Variants in GGT7 observed in about 807,000 individuals in gnomAD.
GGT7 encodes the protein glutathione hydrolase 7.
Under a neutral mutation model 69.2 loss-of-function variants are expected in GGT7, and 30 were observed. That is an observed-to-expected ratio of 0.43 (90% CI 0.32 to 0.59). GGT7 has a LOEUF of 0.59. Ranked by LOEUF, GGT7 falls within the 20% of genes least tolerant of loss-of-function variation. The probability of loss-of-function intolerance (pLI) is 0.05; values close to 1 mark genes in which losing one functional copy is unlikely to be tolerated. For synonymous variants in GGT7, 388 were observed against 391.8 expected, an observed-to-expected ratio of 0.99 and a Z score of 0.12; for missense variants, 733 against 901.1, an observed-to-expected ratio of 0.81 and a Z score of 2.39.
In GGT7 at chr20:34,851,329, G is replaced by A. The variant is rs1430778001; in HGVS notation, c.1627C>T (p.Leu543=). 1 of 1,613,846 alleles carries A rather than the reference G, an allele frequency of 6.2e-7. No individual in the cohort carries two copies. The highest frequency in any genetic ancestry group is 8.5e-7 in the Non-Finnish European group (1 of 1,180,004). ...VQPGKRPLSF[L]LPTVVRPAEG... ...GCGGGTCGGACCACTGTGGGCAGCA[G>A]GAAAGAGAGTGGCCGCTTCCCTGGC... Residue 543 remains leucine, a synonymous_variant, in exon 13 of 15, where the codon CTG becomes TTG. Coordinates refer to ENST00000336431, the MANE Select transcript of GGT7 (RefSeq NM_178026.3).
In GGT7 at chr20:34,845,353, T is replaced by C. The variant is rs754966502; in HGVS notation, c.1964A>G (p.Asp655Gly). Residue 655 changes from aspartate to glycine, a missense_variant, in exon 15 of 15, where the codon GAT becomes GGT. Physicochemically the swap from Asp to Gly is moderately conservative, Grantham distance 94. Transcript: ENST00000336431. The part of the protein sequence containing the change: ...IIAVKDPRSP[D>G]AAGATIL ...CTACAGGATGGTGGCTCCAGCTGCA[T>C]CTGGGCTCCGAGGGTCCTTAACAGC... 21 of 1,614,018 alleles carry C rather than the reference T, an allele frequency of 1.3e-5. No individual in the cohort carries two copies. The highest frequency in any genetic ancestry group is 1.8e-5 in the Non-Finnish European group (21 of 1,179,960).
chr20:34,854,680 T>C (rs2146897606), intron 9 of GGT7, 61 bp from the exon 10 acceptor site: 2 of 1,566,620 alleles, frequency 1.3e-6, no homozygotes, highest in Non-Finnish European at 1.8e-6. Context: ...CCACACCCAG[T>C]GGACTTTCGT....
Position 34,845,137 on chromosome 20 carries a change from C to CACCACCA in GGT7, c.*184_*190dup. On this transcript the variant is annotated 3_prime_UTR_variant, in exon 15 of 15. Transcript: ENST00000336431. ...TCACCACCACCACCACCACCACCAC[C>CACCACCA]ACCACCACCACCACCACAGGCCTCC... 2.0e-6 allele frequency: 1 copy of CACCACCA among 497,906 alleles called. No individual in the cohort carries two copies. Among genetic ancestry groups the CACCACCA allele is most frequent in the South Asian group, 2.1e-5 (1 of 46,686 alleles). 30.8% of individuals were successfully genotyped at this position (497,906 alleles called of 1,614,324 possible).
chr20:34,856,186 T>C (rs1391553560), intron 8 of GGT7, among the ~76,000 whole-genome samples: 1 of 152,182 alleles, frequency 6.6e-6, no homozygotes, highest in Non-Finnish European at 1.5e-5. Context: ...AGAGAAACCC[T>C]TTCCTGGGGC....
intron 6 of GGT7, 112 bp from the exon 7 acceptor site, chr20:34,859,751 C>G: frequency 1.1e-6 from 1 of 918,722 alleles, no homozygotes; most frequent in Non-Finnish European, 1.6e-6. Flanking sequence ...AGTGCCCTGA[C>G]CCCCAGGAGC....
chr20:34,861,388 C>A, intron 4 of GGT7, 57 bp downstream of exon 4: 2 of 782,678 alleles, frequency 2.6e-6, no homozygotes, highest in South Asian at 2.1e-5. Context: ...CTTGGGTTAG[C>A]AGAAGGGCAA....
chr20:34,851,529 G>T (rs560041425), intron 12 of GGT7, among the ~76,000 whole-genome samples, 161 bp from the exon 13 acceptor site: 30 of 152,294 alleles, frequency 2.0e-4, no homozygotes, highest in Middle Eastern at 3.4e-3. Context: ...TTTGCTATCT[G>T]TGAAATGGGT....
At position 34,863,475 on chromosome 20, in the gene GGT7, G is replaced by T. The variant is rs375979010; in HGVS notation, c.243C>A (p.Asp81Glu). The change falls in exon 2 of 15, where the codon GAC (aspartate) becomes GAA (glutamate). Residue 81 changes from aspartate to glutamate, a missense_variant. Coordinates refer to ENST00000336431, the MANE Select transcript of GGT7 (RefSeq NM_178026.3). The surrounding 1 kb of genome is among the most constrained non-coding windows in gnomAD (Gnocchi z 4.4). ...TGCGCGTCTCGCGTAGCGGCGACCCGTCTTGGCTGCCCATCTCCGACGACG... is the reference window on the plus strand; with the variant it reads ...TGCGCGTCTCGCGTAGCGGCGACCCTTCTTGGCTGCCCATCTCCGACGACG... ...PSSSSEMGSQ[D>E]GSPLRETRKD... 6.2e-7 allele frequency: 1 copy of T among 1,608,988 alleles called. No homozygotes were observed. Among genetic ancestry groups the T allele is most frequent in the Non-Finnish European group, 8.5e-7 (1 of 1,178,192 alleles).
chr20:34,855,138 T>C (rs1242139932), intron 8 of GGT7, among the ~76,000 whole-genome samples: 1 of 152,212 alleles, frequency 6.6e-6, no homozygotes, highest in Non-Finnish European at 1.5e-5. Context: ...AACACTGGTC[T>C]TCAGTTTCCT....
intron 6 of GGT7, 33 bp from the exon 7 acceptor site, chr20:34,859,672 G>A (rs1217532872): frequency 1.3e-6 from 2 of 1,519,484 alleles, no homozygotes; most frequent in Admixed American, 1.9e-5. Flanking sequence ...GGGCAGGGCG[G>A]GACGCCAGGA....
chr20:34,854,747 C>T, intron 9 of GGT7, 49 bp downstream of exon 9: 6 of 1,611,598 alleles, frequency 3.7e-6, no homozygotes, highest in Non-Finnish European at 5.1e-6. Context: ...CCAATCTCCC[C>T]ACTCCTAATA....
At chr20:34,871,643 C>T (rs2079780110) in intron 1 of GGT7, among the ~76,000 whole-genome samples, 1 of 152,156 alleles carries the variant, frequency 6.6e-6, no homozygotes, top group Admixed American at 6.5e-5. Flanking sequence ...TTGGGGCTTT[C>T]AGGCTGGGAG....
chr20:34,860,144 G>C, intron 5 of GGT7, 102 bp from the exon 6 acceptor site: 1 of 1,020,930 alleles, frequency 9.8e-7, no homozygotes, highest in East Asian at 2.4e-5. Context: ...GCAAGGGAAG[G>C]GGATATTAGG....
At chr20:34,866,560 A>G (rs1384814221) in intron 1 of GGT7, among the ~76,000 whole-genome samples, 1 of 137,446 alleles carries the variant, frequency 7.3e-6, no homozygotes, top group African/African-American at 2.7e-5. Context: ...TTTTTTTTTT[A>G]TCATGAACAT....
intron 8 of GGT7, 101 bp from the exon 9 acceptor site, chr20:34,855,024 C>T (rs1042389623): frequency 3.7e-5 from 41 of 1,111,270 alleles, no homozygotes; most frequent in Admixed American, 1.6e-4. Flanking sequence ...GAGACCACTG[C>T]GCTGAACTCC....
chr20:34,851,013 G>A, intron 13 of GGT7: 1 of 675,738 alleles, frequency 1.5e-6, no homozygotes, highest in Non-Finnish European at 2.7e-6. Context: ...CATTTCCCCT[G>A]CAACCGGGAA....
chr20:34,863,842 T>G lies in GGT7; in HGVS notation c.170-294A>C. 5.1e-6 allele frequency: 3 copies of G among 592,192 alleles called. No homozygotes were observed. The highest frequency in any genetic ancestry group is 1.8e-5 in the African/African-American group (1 of 54,462). The allele number at this position is 592,192 out of a possible 1,614,324, so 36.7% of individuals were successfully genotyped here. On this transcript the variant is annotated intron_variant, in intron 1 of 14. Coordinates refer to ENST00000336431, the MANE Select transcript of GGT7 (RefSeq NM_178026.3). This position sits in a 1 kb window ranked among gnomAD's most constrained non-coding sequence, Gnocchi z 4.4. ...ACCCAGGGCCCAGGGCTGAGAACAC[T>G]TCCTGGGGGGTGGGGTGGGGGTTCC...
rs1480104378 is a variant in GGT7, at chr20:34,850,012, C to A, written c.1774G>T (p.Ala592Ser). 3.1e-6 allele frequency: 5 copies of A among 1,613,834 alleles called. No individual in the cohort carries two copies. In the African/African-American group the frequency reaches 5.3e-5, roughly 17 times the overall value. Residue 592 changes from alanine (A) to serine (S), a missense_variant, in exon 14 of 15, where the codon GCC becomes TCC. Transcript: ENST00000336431. ...AGGTCCGGGTGTAGGCGGCCGCGGG[C>A]CAGGCTGTCACTCAGGTTCCGGTTC... ...TLNRNLSDSL[A>S]RGRLHPDLQS...
At chr20:34,846,628 C>T (rs2079311315) in intron 14 of GGT7, among the ~76,000 whole-genome samples, 1 of 152,040 alleles carries the variant, frequency 6.6e-6, no homozygotes, top group African/African-American at 2.4e-5. Context: ...TTCTTATAGC[C>T]TGTTCAAACA....
Sources: gnomAD v4.1 joint callset for allele counts (sites outside exome capture counted in the v4.1 genomes callset) on GRCh38, gnomAD v4.1.1 for gene constraint, Gnocchi (gnomAD v3.1) non-coding constraint, MANE v1.5 for transcripts, NCBI Gene and HGNC (gene_info 2026-07-23, HGNC 2026-07-21) for gene names.